SLC22A24: variants seen among roughly 807,000 people sequenced by gnomAD.
The protein encoded by SLC22A24 is steroid transmembrane transporter SLC22A24.
SLC22A24 carries 53 observed loss-of-function variants against 49.8 expected under a neutral mutation model. The observed-to-expected ratio is 1.06, with a 90% CI of 0.85 to 1.34. SLC22A24 has a LOEUF of 1.34. Among genes scored for constraint, SLC22A24 ranks in the 40% most tolerant of loss-of-function variants. The pLI, the probability that SLC22A24 is intolerant of heterozygous loss-of-function variation, is 0.00. For missense variants in SLC22A24, 786 were observed against 675.9 expected (o/e 1.16, Z -1.81); for synonymous variants, 302 against 256.4 (o/e 1.18, Z -1.70).
rs150208099 is a variant in SLC22A24, at chr11:63,143,386, C to T, written c.394G>A (p.Val132Met). ...YDRSSFLSTI[V>M]TEWDLVCESQ... ...TACATGGGGCCTCTTACCTCAGTCA[C>T]GATGGTGGAGAGGAAAGAGCTTCTG... Residue 132 changes from valine (V) to methionine (M), a missense_variant, in exon 1 of 10, where the codon GTG becomes ATG. Val to Met is a conservative substitution (Grantham distance 21, BLOSUM62 1). Coordinates refer to ENST00000612278, the MANE Select transcript of SLC22A24 (RefSeq NM_001136506.2). 1.3e-4 allele frequency: 183 copies of T among 1,459,294 alleles called. No individual in the cohort carries two copies. In the Middle Eastern group the frequency reaches 2.6e-3, roughly 21 times the overall value. The allele number at this position is 1,459,294 out of a possible 1,614,324, so 90.4% of individuals were successfully genotyped here.
At chr11:63,094,629 C>T (rs10792385) in intron 6 of SLC22A24, among the ~76,000 whole-genome samples, 115,664 of 152,026 alleles carry the variant, frequency 0.76, 44,764 homozygotes, top group East Asian at 0.9. Flanking sequence ...TCTCCACATC[C>T]TCTCCAGCAC....
At chr11:63,142,019 T>G (rs1267354144) in intron 1 of SLC22A24, among the ~76,000 whole-genome samples, 2 of 152,172 alleles carry the variant, frequency 1.3e-5, no homozygotes, top group Non-Finnish European at 2.9e-5. Context: ...CCCAGACAAA[T>G]GCTTTCCAAT....
At chr11:63,119,578 A>G (rs2087237353) in intron 2 of SLC22A24, among the ~76,000 whole-genome samples, 1 of 152,202 alleles carries the variant, frequency 6.6e-6, no homozygotes, top group South Asian at 2.1e-4. Flanking sequence ...CTCTTTCGCC[A>G]TATGAAGCCA....
chr11:63,136,600 T>C (rs2087376710), intron 1 of SLC22A24, among the ~76,000 whole-genome samples: 1 of 152,254 alleles, frequency 6.6e-6, no homozygotes, highest in Non-Finnish European at 1.5e-5. Context: ...AACTCCGGTC[T>C]CCTGCACAGC....
chr11:63,110,087 C>A (rs1271776632), intron 4 of SLC22A24, among the ~76,000 whole-genome samples: 1 of 151,872 alleles, frequency 6.6e-6, no homozygotes, highest in Admixed American at 6.6e-5. Context: ...TTTCCCAGCA[C>A]CATTTATTAA....
At chr11:63,112,108 C>T (rs1235830248) in intron 4 of SLC22A24, among the ~76,000 whole-genome samples, 1 of 152,006 alleles carries the variant, frequency 6.6e-6, no homozygotes, top group Non-Finnish European at 1.5e-5. Flanking sequence ...TCGTTATGTA[C>T]CCAGTAGTCA....
intron 5 of SLC22A24, among the ~76,000 whole-genome samples, chr11:63,099,947 T>C (rs939706273): frequency 2.0e-5 from 3 of 152,152 alleles, no homozygotes; most frequent in African/African-American, 7.2e-5. Context: ...AAGCCAGATA[T>C]GATAGACACA....
intron 5 of SLC22A24, among the ~76,000 whole-genome samples, chr11:63,100,999 A>T (rs1362268170): frequency 6.6e-6 from 1 of 152,122 alleles, no homozygotes; most frequent in African/African-American, 2.4e-5. Flanking sequence ...AGATTTCTTG[A>T]GTAATATGCC....
chr11:63,131,918 A>G (rs971520983), intron 2 of SLC22A24, among the ~76,000 whole-genome samples: 1 of 152,188 alleles, frequency 6.6e-6, no homozygotes, highest in African/African-American at 2.4e-5. Context: ...AGGTACACCA[A>G]TCAATCATAT....
chr11:63,116,326 T>C, intron 4 of SLC22A24: 1 of 217,438 alleles, frequency 4.6e-6, no homozygotes. Flanking sequence ...GTATGGTTCT[T>C]GGACTTGGTT....
chr11:63,084,562 A>G (rs995881692), intron 6 of SLC22A24, among the ~76,000 whole-genome samples: 1 of 152,140 alleles, frequency 6.6e-6, no homozygotes, highest in Non-Finnish European at 1.5e-5. Flanking sequence ...GTGAATGCCA[A>G]GTGGTTACAG....
intron 8 of SLC22A24, among the ~76,000 whole-genome samples, 184 bp downstream of exon 8, chr11:63,081,374 A>G (rs918418351): frequency 6.6e-6 from 1 of 152,232 alleles, no homozygotes; most frequent in Non-Finnish European, 1.5e-5. Flanking sequence ...ATTAACCTGT[A>G]GCAATAACCC....
chr11:63,117,232 G>A (rs2087218425), intron 4 of SLC22A24, among the ~76,000 whole-genome samples: 1 of 152,042 alleles, frequency 6.6e-6, no homozygotes, highest in Admixed American at 6.5e-5. Context: ...AATGTTTGTT[G>A]TTGTTGCTCC....
At chr11:63,101,497 G>C (rs1283643965) in intron 5 of SLC22A24, among the ~76,000 whole-genome samples, 1 of 151,838 alleles carries the variant, frequency 6.6e-6, no homozygotes, top group Admixed American at 6.6e-5. Flanking sequence ...TAGAAATAAA[G>C]CATAAGTGTT....
At chr11:63,091,207 AGAAGT>A (rs1447785633) in intron 6 of SLC22A24, among the ~76,000 whole-genome samples, 3 of 152,204 alleles carry the variant, frequency 2.0e-5, no homozygotes, top group Admixed American at 2.0e-4. Context: ...GAACTTAGGA[AGAAGT>A]CAAATCCCTG....
At chr11:63,122,305 T>C (rs2087257654) in intron 2 of SLC22A24, among the ~76,000 whole-genome samples, 1 of 152,148 alleles carries the variant, frequency 6.6e-6, no homozygotes, top group South Asian at 2.1e-4. Flanking sequence ...CTGCAATAAA[T>C]GGCCCTGGTT....
At chr11:63,100,937 A>G (rs1233444117) in intron 5 of SLC22A24, among the ~76,000 whole-genome samples, 4 of 152,140 alleles carry the variant, frequency 2.6e-5, no homozygotes, top group Non-Finnish European at 4.4e-5. Flanking sequence ...CAAACTATAC[A>G]TCTACTATAA....
At chr11:63,083,618 C>CT (rs1462421363) in intron 6 of SLC22A24, among the ~76,000 whole-genome samples, 161 bp from the exon 7 acceptor site, 1 of 152,148 alleles carries the variant, frequency 6.6e-6, no homozygotes, top group Non-Finnish European at 1.5e-5. Flanking sequence ...GTTTTATAGA[C>CT]TATTTCCTTT....
At chr11:63,121,905 T>A (rs1463085163) in intron 2 of SLC22A24, among the ~76,000 whole-genome samples, 1 of 152,096 alleles carries the variant, frequency 6.6e-6, no homozygotes, top group East Asian at 1.9e-4. Flanking sequence ...CACACTTTTT[T>A]TAGCTTGAAG....
Sources: gnomAD v4.1 joint callset for allele counts (sites outside exome capture counted in the v4.1 genomes callset) on GRCh38, gnomAD v4.1.1 for gene constraint, MANE v1.5 for transcripts, NCBI Gene and HGNC (gene_info 2026-07-23, HGNC 2026-07-21) for gene names.